PRKAG2: variants seen among roughly 807,000 people sequenced by gnomAD.
PRKAG2 encodes 5'-AMP-activated protein kinase subunit gamma-2.
Under a neutral mutation model 69.6 loss-of-function variants are expected in PRKAG2, and 26 were observed. The ratio of observed to expected loss-of-function variants is 0.37; its 90% CI spans 0.27 to 0.52. The LOEUF is 0.52. PRKAG2 is among the 20% of genes least tolerant of loss of function. The pLI is 0.90. For missense variants in PRKAG2, 557 were observed against 740.0 expected (o/e 0.75, Z 2.87); for synonymous variants, 293 against 285.0 (o/e 1.03, Z -0.28).
chr7:151,829,629 C>T (rs576371261), intron 1 of PRKAG2, among the ~76,000 whole-genome samples: 128 of 152,092 alleles, frequency 8.4e-4, no homozygotes, highest in African/African-American at 3.0e-3. Context: ...CCCAAATTTC[C>T]TTTAACTGAT....
At chr7:151,747,992 G>A (rs2074406535) in intron 3 of PRKAG2, among the ~76,000 whole-genome samples, 1 of 146,820 alleles carries the variant, frequency 6.8e-6, no homozygotes, top group Non-Finnish European at 1.5e-5. Context: ...CACAATCTCA[G>A]CTCACTGTAA....
rs1414567545 is a variant in PRKAG2 at position 151,850,347 on chromosome 7, G to A, written c.114+26160C>T. Among the ~76,000 whole-genome samples, 1 of 152,250 alleles carries A rather than the reference G, an allele frequency of 6.6e-6. No individual in the cohort carries two copies. The highest frequency in any genetic ancestry group is 2.4e-5 in the African/African-American group (1 of 41,472). On this transcript the variant is annotated intron_variant, in intron 1 of 15. Transcript: ENST00000287878. This position sits in a 1 kb window ranked among gnomAD's most constrained non-coding sequence, Gnocchi z 4.1. ...TCTCCTGGAAGGAGGGATCAAATCT[G>A]TCTAAGCTCCGAAGTAACCCTGCTC...
chr7:151,824,621 C>A (rs1467844528), intron 1 of PRKAG2, among the ~76,000 whole-genome samples: 1 of 152,138 alleles, frequency 6.6e-6, no homozygotes, highest in South Asian at 2.1e-4. Context: ...GCTTTTGGAG[C>A]TGTCTGACAC....
chr7:151,758,481 A>T (rs1316108249), intron 3 of PRKAG2, among the ~76,000 whole-genome samples: 1 of 152,242 alleles, frequency 6.6e-6, no homozygotes, highest in Non-Finnish European at 1.5e-5. Flanking sequence ...TATTTTTGCC[A>T]GAACTGTTTC....
chr7:151,657,499 T>C (rs762583203), intron 4 of PRKAG2, among the ~76,000 whole-genome samples: 6 of 152,216 alleles, frequency 3.9e-5, no homozygotes, highest in Non-Finnish European at 5.9e-5. Flanking sequence ...GAAAAGAACA[T>C]GGATTCCAAA....
chr7:151,604,918 T>C (rs1817151661), intron 5 of PRKAG2, among the ~76,000 whole-genome samples: 2 of 152,188 alleles, frequency 1.3e-5, no homozygotes, highest in African/African-American at 4.8e-5. Flanking sequence ...TTCTCAAGAT[T>C]AGAACCTCTG....
intron 1 of PRKAG2, among the ~76,000 whole-genome samples, chr7:151,816,723 G>A (rs1318080207): frequency 1.3e-5 from 2 of 152,230 alleles, no homozygotes; most frequent in Admixed American, 6.5e-5. Context: ...GCAAGTGGTC[G>A]ACCAGAGATC....
chr7:151,628,324 CA>C (rs776349354), intron 5 of PRKAG2, among the ~76,000 whole-genome samples: 1 of 152,146 alleles, frequency 6.6e-6, no homozygotes, highest in Non-Finnish European at 1.5e-5. Context: ...TGGTCCTGGC[CA>C]GTAAGTTAGT....
At chr7:151,628,460 C>T (rs971693190) in intron 5 of PRKAG2, among the ~76,000 whole-genome samples, 1 of 152,166 alleles carries the variant, frequency 6.6e-6, no homozygotes, top group African/African-American at 2.4e-5. Flanking sequence ...GCCTGTAGGT[C>T]CCAGTAGTTA....
intron 5 of PRKAG2, among the ~76,000 whole-genome samples, chr7:151,626,588 A>G (rs947239177): frequency 6.6e-6 from 1 of 152,156 alleles, no homozygotes; most frequent in Non-Finnish European, 1.5e-5. Context: ...GACTGTGCCC[A>G]CACACCTGCC....
intron 3 of PRKAG2, among the ~76,000 whole-genome samples, chr7:151,764,013 G>A (rs1266847832): frequency 6.6e-6 from 1 of 152,220 alleles, no homozygotes; most frequent in Non-Finnish European, 1.5e-5. Context: ...CAGGTGGAGA[G>A]GGGCACAAAT....
chr7:151,804,745 G>A (rs529846821), intron 1 of PRKAG2, among the ~76,000 whole-genome samples: 2 of 152,214 alleles, frequency 1.3e-5, no homozygotes, highest in East Asian at 1.9e-4. Flanking sequence ...GTGTTCCATC[G>A]CGGCACAGAG....
intron 3 of PRKAG2, among the ~76,000 whole-genome samples, chr7:151,767,464 T>A (rs1418886051): frequency 6.6e-6 from 1 of 152,196 alleles, no homozygotes; most frequent in African/African-American, 2.4e-5. Flanking sequence ...CTAGTTTTTG[T>A]ATTTTTAGTA....
chr7:151,872,289 G>T (rs928969968), intron 1 of PRKAG2, among the ~76,000 whole-genome samples: 2 of 152,208 alleles, frequency 1.3e-5, no homozygotes, highest in African/African-American at 2.4e-5. Context: ...TTACCCTGGG[G>T]GGGGGCTTTT....
chr7:151,660,138 A>G (rs1830100751), intron 4 of PRKAG2, among the ~76,000 whole-genome samples: 1 of 152,248 alleles, frequency 6.6e-6, no homozygotes, highest in African/African-American at 2.4e-5. Context: ...CAATGCTAGT[A>G]TTATTAGATC....
At chr7:151,678,336 G>C (rs991180200) in intron 3 of PRKAG2, among the ~76,000 whole-genome samples, 2 of 152,204 alleles carry the variant, frequency 1.3e-5, no homozygotes, top group Admixed American at 1.3e-4. Flanking sequence ...CCTGAGCCAA[G>C]GGGTCTGGCA....
At chr7:151,594,635 ATAAC>A (rs796103728) in intron 6 of PRKAG2, among the ~76,000 whole-genome samples, 101 of 152,298 alleles carry the variant, frequency 6.6e-4, no homozygotes, top group African/African-American at 2.4e-3. Flanking sequence ...GTTCTACTAA[ATAAC>A]TAAGAAAGAC....
At chr7:151,747,704 A>T (rs2074380388) in intron 3 of PRKAG2, among the ~76,000 whole-genome samples, 1 of 152,184 alleles carries the variant, frequency 6.6e-6, no homozygotes, top group South Asian at 2.1e-4. Context: ...ATTCCTTGAG[A>T]CTGGCAAGAT....
At chr7:151,867,241 G>A (rs904060678) in intron 1 of PRKAG2, among the ~76,000 whole-genome samples, 2 of 152,180 alleles carry the variant, frequency 1.3e-5, no homozygotes, top group African/African-American at 4.8e-5. Context: ...TGAGGGCAGG[G>A]CCCTGTTGGA....
Sources: allele counts gnomAD v4.1 joint callset (sites outside exome capture counted in the v4.1 genomes callset), GRCh38; gene constraint gnomAD v4.1.1; non-coding constraint Gnocchi (gnomAD v3.1); transcripts MANE v1.5; gene names NCBI Gene and HGNC (gene_info 2026-07-23, HGNC 2026-07-21).